ANKS1A: variants seen among roughly 807,000 people sequenced by gnomAD.
ANKS1A encodes the protein ankyrin repeat and SAM domain-containing protein 1A.
Under a neutral mutation model 120.3 loss-of-function variants are expected in ANKS1A, and 55 were observed. The ratio of observed to expected loss-of-function variants is 0.46; its 90% CI spans 0.37 to 0.57. The LOEUF (loss-of-function observed/expected upper bound fraction) is 0.57. Among genes scored for constraint, ANKS1A ranks in the 20% least tolerant of loss-of-function variants. The pLI is 0.00. For synonymous variants in ANKS1A, 590 were observed against 604.7 expected (o/e 0.98, Z 0.36); for missense variants, 1,123 against 1,480.3 (o/e 0.76, Z 3.96).
chr6:35,059,450 G>A (rs948850738), intron 12 of ANKS1A, among the ~76,000 whole-genome samples: 2 of 152,220 alleles, frequency 1.3e-5, no homozygotes, highest in Admixed American at 6.5e-5. Context: ...TGCTTATTCC[G>A]GGACTGCTGG....
At chr6:34,965,173 T>A (rs1244543064) in intron 1 of ANKS1A, among the ~76,000 whole-genome samples, 1 of 152,230 alleles carries the variant, frequency 6.6e-6, no homozygotes, top group Non-Finnish European at 1.5e-5. Context: ...CTGATAAATT[T>A]CATCCTTTCT....
chr6:34,929,228 T>G (rs113244914), intron 1 of ANKS1A, among the ~76,000 whole-genome samples: 15 of 152,340 alleles, frequency 9.8e-5, no homozygotes, highest in African/African-American at 3.6e-4. Flanking sequence ...AATACTTTTT[T>G]TGTATGTGGT....
Position 35,090,007 on chromosome 6 carries a change from G to C in ANKS1A, c.*1398G>C. The C allele has an allele frequency of 8.3e-7, 1 of 1,204,972 alleles. No homozygotes were observed. Among genetic ancestry groups the C allele is most frequent in the Non-Finnish European group, 1.1e-6 (1 of 948,032 alleles). The allele number at this position is 1,204,972 out of a possible 1,614,324, so 74.6% of individuals were successfully genotyped here. A position where few individuals can be genotyped will look rare whatever the true frequency, so the allele number is the denominator to read the frequency against. On this transcript the variant is annotated 3_prime_UTR_variant, in exon 24 of 24. Coordinates refer to ENST00000360359, the MANE Select transcript of ANKS1A (RefSeq NM_015245.3). Reference sequence around the variant, plus strand: ...ATGTATGTGCAGGGAGTACTGTTAGGCACATTCTTAACCCATGTGGTTGGC... The same window carrying C: ...ATGTATGTGCAGGGAGTACTGTTAGCCACATTCTTAACCCATGTGGTTGGC...
chr6:34,897,860 GAT>G (rs1311926876), intron 1 of ANKS1A, among the ~76,000 whole-genome samples: 5 of 152,170 alleles, frequency 3.3e-5, no homozygotes, highest in African/African-American at 1.2e-4. Context: ...TATTACCACT[GAT>G]CCAGGAAGCA....
At chr6:35,048,872 G>A (rs1775841999) in intron 11 of ANKS1A, among the ~76,000 whole-genome samples, 1 of 152,164 alleles carries the variant, frequency 6.6e-6, no homozygotes, top group Non-Finnish European at 1.5e-5. Flanking sequence ...CTCAGCCCCC[G>A]GCTCCTGGGA....
chr6:34,948,318 TA>T (rs1304134602), intron 1 of ANKS1A, among the ~76,000 whole-genome samples: 1 of 152,176 alleles, frequency 6.6e-6, no homozygotes, highest in African/African-American at 2.4e-5. Context: ...TTGATCTGTA[TA>T]ACCTGTAAGT....
chr6:34,961,444 A>G (rs1770633370), intron 1 of ANKS1A, among the ~76,000 whole-genome samples: 1 of 152,208 alleles, frequency 6.6e-6, no homozygotes, highest in African/African-American at 2.4e-5. Context: ...TTGGAGGAGA[A>G]GGTAGAGAAA....
intron 1 of ANKS1A, among the ~76,000 whole-genome samples, chr6:34,910,309 AATCC>A: frequency 6.6e-6 from 1 of 152,198 alleles, no homozygotes; most frequent in African/African-American, 2.4e-5. Flanking sequence ...CGTGCCCTGT[AATCC>A]CAGCACTTTG....
chr6:34,946,111 G>A (rs1017403299), intron 1 of ANKS1A, among the ~76,000 whole-genome samples: 1 of 151,602 alleles, frequency 6.6e-6, no homozygotes, highest in Admixed American at 6.6e-5. Context: ...CTCCTGAGTA[G>A]CTGGGACTAC....
At chr6:34,978,957 G>T (rs562373395) in intron 3 of ANKS1A, among the ~76,000 whole-genome samples, 2 of 150,204 alleles carry the variant, frequency 1.3e-5, no homozygotes, top group African/African-American at 4.9e-5. Context: ...GTGCAGTGGC[G>T]CAATCTCGGC....
chr6:34,995,271 ATG>A (rs1321907562), intron 10 of ANKS1A, among the ~76,000 whole-genome samples: 1 of 152,160 alleles, frequency 6.6e-6, no homozygotes, highest in East Asian at 1.9e-4. Context: ...GGCAAAGAGA[ATG>A]TGTGCATATG....
At position 35,044,369 on chromosome 6, in the gene ANKS1A, C is replaced by T. The variant is rs1396705498; in HGVS notation, c.2011-9730C>T. ...GAAGAACAAGTTCCTTGCTCACAGC[C>T]GCGTTGCTGAAAGCGGCAAAGCTGA... On this transcript the variant is annotated intron_variant, in intron 11 of 23. Coordinates refer to ENST00000360359, the MANE Select transcript of ANKS1A (RefSeq NM_015245.3). The surrounding 1 kb of genome is among the most constrained non-coding windows in gnomAD (Gnocchi z 4.4). Among the ~76,000 whole-genome samples, 1 of 152,216 alleles carries T rather than the reference C, an allele frequency of 6.6e-6. No individual in the cohort carries two copies. The highest frequency in any genetic ancestry group is 1.5e-5 in the Non-Finnish European group (1 of 68,032).
At chr6:35,068,989 G>C (rs1361946382) in intron 13 of ANKS1A, among the ~76,000 whole-genome samples, 2 of 152,194 alleles carry the variant, frequency 1.3e-5, no homozygotes, top group Admixed American at 6.5e-5. Context: ...AGAGAGGGCT[G>C]ACGTCTGGCC....
At position 35,017,694 on chromosome 6, in the gene ANKS1A, G is replaced by A. The variant is rs1774102561; in HGVS notation, c.1645G>A (p.Val549Met). Residue 549 changes from valine to methionine, a missense_variant, in exon 11 of 24, where the codon GTG (valine) becomes ATG (methionine). By Grantham distance (21) the Val-to-Met change is conservative (BLOSUM62 1). This residue lies in a region of ANKS1A where 904 missense variants were observed against 1,130.4 expected (regional missense o/e 0.80). Coordinates refer to ENST00000360359, the MANE Select transcript of ANKS1A (RefSeq NM_015245.3). ...CAGCATGCAGCTGGAGGAGACGGGT[G>A]TGCATGCTCCTGGAGCCTCCCAGCC... ...KASMQLEETG[V>M]HAPGASQPSA... 1.2e-6 allele frequency: 2 copies of A among 1,614,022 alleles called. No homozygotes were observed. Among genetic ancestry groups the A allele is most frequent in the South Asian group, 1.1e-5 (1 of 91,074 alleles).
intron 1 of ANKS1A, among the ~76,000 whole-genome samples, chr6:34,943,087 C>T (rs982160841): frequency 7.9e-5 from 12 of 152,064 alleles, no homozygotes; most frequent in African/African-American, 2.9e-4. Context: ...CCCACCTCGG[C>T]CTCCCAAGTA....
At chr6:34,892,716 T>A (rs1215426895) in intron 1 of ANKS1A, among the ~76,000 whole-genome samples, 1 of 152,222 alleles carries the variant, frequency 6.6e-6, no homozygotes, top group African/African-American at 2.4e-5. Flanking sequence ...ATGACCCTAA[T>A]ACACACAGAT....
rs1463492609 is a variant in ANKS1A at position 35,089,106 on chromosome 6, G to A, written c.*497G>A. 71 of 1,036,424 alleles carry A rather than the reference G, an allele frequency of 6.9e-5. No homozygotes were observed. Among genetic ancestry groups the A allele is most frequent in the Non-Finnish European group, 7.9e-5 (68 of 859,460 alleles). The allele number at this position is 1,036,424 out of a possible 1,614,324, so 64.2% of individuals were successfully genotyped here. ...CCTGTGGGTGAGGGGAACGGAGCAGGCTCAGGCAGAATTGAGTACGGTGCG... is the reference window on the plus strand; with the variant it reads ...CCTGTGGGTGAGGGGAACGGAGCAGACTCAGGCAGAATTGAGTACGGTGCG... On this transcript the variant is annotated 3_prime_UTR_variant, in exon 24 of 24. Transcript: ENST00000360359.
At position 34,955,087 on chromosome 6, in the gene ANKS1A, CAATT is replaced by C. The variant is rs1322096051; in HGVS notation, c.198-12143_198-12140del. Among the ~76,000 whole-genome samples the C allele has an allele frequency of 2.6e-5, 4 of 151,806 alleles. No homozygotes were observed. The East Asian group carries it at 5.8e-4, about 22-fold the overall frequency. The stretch of plus-strand genomic sequence containing the variant: ...ACTATAATTCTATTTTTTTCTTGTA[CAATT>C]AATTAATTTTCTTCCTGTTGATTTT... On this transcript the variant is annotated intron_variant, in intron 1 of 23. Coordinates refer to ENST00000360359, the MANE Select transcript of ANKS1A (RefSeq NM_015245.3).
chr6:35,079,626 C>T lies in ANKS1A; in HGVS notation c.2394C>T (p.Ser798=), dbSNP rs142659709. The change falls in exon 15 of 24, where the codon TCC becomes TCT. Residue 798 remains serine, a synonymous_variant. Transcript: ENST00000360359. ...CCTTCTTGTCAAGTGGTTACAGCTCCATTGACACCGTGAAGAACCTCTGGG... is the reference window on the plus strand; with the variant it reads ...CCTTCTTGTCAAGTGGTTACAGCTCTATTGACACCGTGAAGAACCTCTGGG... The part of the protein sequence containing the change: ...VHSFLSSGYS[S]IDTVKNLWEL... 1.9e-6 allele frequency: 3 copies of T among 1,614,194 alleles called. No homozygotes were observed. Among genetic ancestry groups the T allele is most frequent in the Admixed American group, 3.3e-5 (2 of 60,024 alleles).
Sources: allele counts gnomAD v4.1 joint callset (sites outside exome capture counted in the v4.1 genomes callset), GRCh38; gene constraint gnomAD v4.1.1; regional missense constraint gnomAD v4.1.1; non-coding constraint Gnocchi (gnomAD v3.1); transcripts MANE v1.5; gene names NCBI Gene and HGNC (gene_info 2026-07-23, HGNC 2026-07-21).